Variants in UBL3 observed in about 807,000 individuals in gnomAD.
UBL3 encodes ubiquitin like 3.
Under a neutral mutation model 18.4 loss-of-function variants are expected in UBL3, and 6 were observed. The ratio of observed to expected loss-of-function variants is 0.33; its 90% CI spans 0.18 to 0.64. The LOEUF is 0.64. Ranked by LOEUF, UBL3 falls within the 30% of genes least tolerant of loss-of-function variation. The pLI, the probability that UBL3 is intolerant of heterozygous loss-of-function variation, is 0.76. For missense variants in UBL3, 109 were observed against 142.9 expected (o/e 0.76, Z 1.21); for synonymous variants, 49 against 46.6 (o/e 1.05, Z -0.21).
rs141425014 is a variant in UBL3 at position 29,785,078 on chromosome 13, G to C, written c.28-7815C>G. Among the ~76,000 whole-genome samples, 1,189 of 152,160 alleles carry C rather than the reference G, an allele frequency of 7.8e-3. 17 individuals are homozygous for C. The highest frequency in any genetic ancestry group is 0.027 in the African/African-American group (1,131 of 41,508). On this transcript the variant is annotated intron_variant, in intron 1 of 4. Coordinates refer to ENST00000380680, the MANE Select transcript of UBL3 (RefSeq NM_007106.4). Reference sequence around the variant, plus strand: ...ACGCCACCATGCCCGGCTAATTTTTGTATTTTTAGTAGAGATGGGGTTTCA... The same window carrying C: ...ACGCCACCATGCCCGGCTAATTTTTCTATTTTTAGTAGAGATGGGGTTTCA...
At chr13:29,813,679 A>C (rs1878176239) in intron 1 of UBL3, among the ~76,000 whole-genome samples, 1 of 152,124 alleles carries the variant, frequency 6.6e-6, no homozygotes, top group Non-Finnish European at 1.5e-5. Context: ...GGTTATATGC[A>C]AATACTGCAC....
rs1876608219 is a variant in UBL3 at position 29,764,433 on chromosome 13, T to C, written c.*2822A>G. ...TACAACAGATGAAGAAAGTTTTAAT[T>C]TCTTTTCACATTAAACATTGTTTAC... On this transcript the variant is annotated 3_prime_UTR_variant, in exon 5 of 5. Transcript: ENST00000380680. 1 of 152,204 alleles carries C rather than the reference T, an allele frequency of 6.6e-6. No homozygotes were observed. The highest frequency in any genetic ancestry group is 1.9e-4 in the East Asian group (1 of 5,200). 9.4% of individuals were successfully genotyped at this position (152,204 alleles called of 1,614,324 possible). A position where few individuals can be genotyped will look rare whatever the true frequency, so the allele number is the denominator to read the frequency against.
At chr13:29,791,240 T>C (rs1161768198) in intron 1 of UBL3, among the ~76,000 whole-genome samples, 1 of 152,198 alleles carries the variant, frequency 6.6e-6, no homozygotes, top group Non-Finnish European at 1.5e-5. Flanking sequence ...CTCTGTCAGT[T>C]TCTCAGCCCA....
chr13:29,808,361 C>T (rs755215940), intron 1 of UBL3, among the ~76,000 whole-genome samples: 2 of 151,864 alleles, frequency 1.3e-5, no homozygotes, highest in Non-Finnish European at 2.9e-5. Flanking sequence ...ATTTCAAAAC[C>T]CAAGCTCCCA....
In UBL3 at chr13:29,796,702, T is replaced by C. The variant is rs902827981; in HGVS notation, c.28-19439A>G. ...AATAAAAATCAAAACCACAGTGAAA[T>C]ACTATCTCCAACCCACTAAGATGGC... On this transcript the variant is annotated intron_variant, in intron 1 of 4. Coordinates refer to ENST00000380680, the MANE Select transcript of UBL3 (RefSeq NM_007106.4). Among the ~76,000 whole-genome samples, 14 of 152,166 alleles carry C rather than the reference T, an allele frequency of 9.2e-5. No homozygotes were observed. In the South Asian group the frequency reaches 1.9e-3, roughly 20 times the overall value.
chr13:29,790,700 T>G (rs960335276), intron 1 of UBL3, among the ~76,000 whole-genome samples: 5 of 152,070 alleles, frequency 3.3e-5, no homozygotes, highest in African/African-American at 1.2e-4. Flanking sequence ...AGTGAATGAG[T>G]ATTTAACTAC....
At chr13:29,772,764 C>T (rs1381100016) in intron 2 of UBL3, among the ~76,000 whole-genome samples, 2 of 152,000 alleles carry the variant, frequency 1.3e-5, no homozygotes, top group Admixed American at 1.3e-4. Flanking sequence ...GTTCACCTCA[C>T]CCAAAATGAA....
At chr13:29,811,062 G>A (rs1486297440) in intron 1 of UBL3, among the ~76,000 whole-genome samples, 1 of 151,972 alleles carries the variant, frequency 6.6e-6, no homozygotes, top group African/African-American at 2.4e-5. Flanking sequence ...AAAGCCTTTT[G>A]CCCATCCACT....
intron 1 of UBL3, among the ~76,000 whole-genome samples, chr13:29,839,141 AAAG>A (rs1006263024): frequency 2.6e-5 from 4 of 152,218 alleles, no homozygotes; most frequent in African/African-American, 9.6e-5. Context: ...GTGATTTAAA[AAAG>A]ACAAAAAAAG....
intron 1 of UBL3, among the ~76,000 whole-genome samples, chr13:29,822,259 A>C: frequency 1.3e-5 from 2 of 152,330 alleles, no homozygotes; most frequent in East Asian, 3.9e-4. Flanking sequence ...AAATCTAAAG[A>C]TTCTTTTCAA....
At chr13:29,777,328 A>G in intron 1 of UBL3, 65 bp from the exon 2 acceptor site, 1 of 1,312,864 alleles carries the variant, frequency 7.6e-7, no homozygotes, top group Non-Finnish European at 1.1e-6. Context: ...AAGAAGACTC[A>G]AAGGCTTTTC....
At chr13:29,794,053 C>T (rs574566249) in intron 1 of UBL3, among the ~76,000 whole-genome samples, 72 of 152,176 alleles carry the variant, frequency 4.7e-4, no homozygotes, top group African/African-American at 1.5e-3. Context: ...GCCACGTTGG[C>T]CAGGCTGGTC....
intron 1 of UBL3, among the ~76,000 whole-genome samples, chr13:29,839,494 C>A (rs928070673): frequency 5.3e-5 from 8 of 152,166 alleles, no homozygotes; most frequent in African/African-American, 1.9e-4. Flanking sequence ...TCCAAAAAAA[C>A]CCCACAAAGG....
At chr13:29,795,479 T>C (rs1877584727) in intron 1 of UBL3, among the ~76,000 whole-genome samples, 1 of 152,002 alleles carries the variant, frequency 6.6e-6, no homozygotes, top group South Asian at 2.1e-4. Context: ...TTATTAATAA[T>C]ATTAGTAACA....
chr13:29,796,119 G>A (rs1158597454), intron 1 of UBL3, among the ~76,000 whole-genome samples: 4 of 152,186 alleles, frequency 2.6e-5, no homozygotes, highest in Admixed American at 6.5e-5. Context: ...ATAATTAGAC[G>A]ATAAAAATTA....
At chr13:29,774,007 G>C (rs1272406921) in intron 2 of UBL3, among the ~76,000 whole-genome samples, 1 of 152,030 alleles carries the variant, frequency 6.6e-6, no homozygotes, top group Non-Finnish European at 1.5e-5. Context: ...TATAGACTTA[G>C]ATTTTTAATT....
intron 3 of UBL3, among the ~76,000 whole-genome samples, chr13:29,771,420 A>G (rs1413100142): frequency 6.6e-6 from 1 of 152,084 alleles, no homozygotes; most frequent in Non-Finnish European, 1.5e-5. Flanking sequence ...AATAGCTAAC[A>G]ATTAAGGTGT....
intron 1 of UBL3, among the ~76,000 whole-genome samples, chr13:29,833,159 T>C (rs1335167040): frequency 6.6e-6 from 1 of 151,966 alleles, no homozygotes; most frequent in Non-Finnish European, 1.5e-5. Flanking sequence ...ATGTGAGTGA[T>C]AGCCAGCCAT....
intron 1 of UBL3, among the ~76,000 whole-genome samples, chr13:29,839,352 TGA>T (rs1262598355): frequency 2.0e-5 from 3 of 152,218 alleles, no homozygotes. Context: ...CCCCAAATGC[TGA>T]GAGCACAAGG....
Sources: allele counts gnomAD v4.1 joint callset (sites outside exome capture counted in the v4.1 genomes callset), GRCh38; gene constraint gnomAD v4.1.1; transcripts MANE v1.5; gene names NCBI Gene and HGNC (gene_info 2026-07-23, HGNC 2026-07-21).